The following SET variants were observed in gnomAD, a reference collection of about 807,000 sequenced individuals.
The protein encoded by SET is SET nuclear proto-oncogene, also known as protein SET.
A neutral mutation model predicts 39.0 loss-of-function variants in SET; 4 were observed. That is an observed-to-expected ratio of 0.10 (90% CI 0.05 to 0.23). The LOEUF (loss-of-function observed/expected upper bound fraction) is 0.23. Ranked by LOEUF, SET falls within the 10% of genes least tolerant of loss-of-function variation. The pLI is 1.00. For synonymous variants in SET, 114 were observed against 115.9 expected (o/e 0.98, Z 0.11); for missense variants, 137 against 329.7 (o/e 0.42, Z 4.53).
At chr9:128,691,359 T>G (rs573824573) in intron 2 of SET, 132 bp downstream of exon 2, 5 of 652,924 alleles carry the variant, frequency 7.7e-6, no homozygotes, top group South Asian at 5.9e-5. Flanking sequence ...GAAATACTTA[T>G]GTAGATTCAG....
At chr9:128,693,005 C>G in intron 5 of SET, 24 bp downstream of exon 5, 1 of 1,453,562 alleles carries the variant, frequency 6.9e-7, no homozygotes, top group Non-Finnish European at 9.6e-7. Flanking sequence ...AATTATTTGA[C>G]AAAAATAGCA....
At chr9:128,690,798 C>T (rs1413379993) in intron 1 of SET, 2 of 218,560 alleles carry the variant, frequency 9.2e-6, no homozygotes, top group Non-Finnish European at 1.9e-5. Flanking sequence ...TTTCCATATT[C>T]TAGTTAGCAG....
At position 128,694,665 on chromosome 9, in the gene SET, A is replaced by AT; in HGVS notation, c.*2dup. On this transcript the variant is annotated 3_prime_UTR_variant, in exon 8 of 8. Coordinates refer to ENST00000322030, the MANE Select transcript of SET (RefSeq NM_003011.4). Reference sequence around the variant, plus strand: ...GGAGGATGAAGGAGAAGATGACTAAATAGAACACTGATGGATTCCAACCTT... The same window carrying AT: ...GGAGGATGAAGGAGAAGATGACTAAATTAGAACACTGATGGATTCCAACCTT... 1 of 1,568,232 alleles carries AT rather than the reference A, an allele frequency of 6.4e-7. No homozygotes were observed. Among genetic ancestry groups the AT allele is most frequent in the Non-Finnish European group, 8.7e-7 (1 of 1,150,810 alleles).
At chr9:128,689,202 C>CGCCTGCG (rs1441602934), upstream of SET, 21 of 964,624 alleles carry the variant, frequency 2.2e-5, no homozygotes, top group Non-Finnish European at 2.5e-5. Flanking sequence ...GGGCCTGGCG[C>CGCCTGCG]GCCTGCGCCC....
upstream of SET, among the ~76,000 whole-genome samples, chr9:128,686,263 A>G (rs113253072): frequency 7.7e-3 from 1,170 of 152,112 alleles, 16 homozygotes; most frequent in African/African-American, 0.027. Flanking sequence ...TAGTGTGCTC[A>G]TATTTATCTT....
Position 128,689,325 on chromosome 9 carries a change from GCCGCCT to G in SET, c.-249_-244del, listed in dbSNP as rs905441165. On this transcript the variant is annotated 5_prime_UTR_variant, in exon 1 of 8. Coordinates refer to ENST00000322030, the MANE Select transcript of SET (RefSeq NM_003011.4). Reference sequence around the variant, plus strand: ...TGAGGGAGCCGAGCCGCCCGCCGCCGCCGCCTCCGCCTCCCCTCCGCGAACAGGAGC... The same window carrying G: ...TGAGGGAGCCGAGCCGCCCGCCGCCGCCGCCTCCCCTCCGCGAACAGGAGC... 6 of 1,035,408 alleles carry G rather than the reference GCCGCCT, an allele frequency of 5.8e-6. No individual in the cohort carries two copies. The highest frequency in any genetic ancestry group is 6.9e-5 in the East Asian group (1 of 14,598). The allele number at this position is 1,035,408 out of a possible 1,614,324, so 64.1% of individuals were successfully genotyped here.
upstream of SET, among the ~76,000 whole-genome samples, chr9:128,688,942 G>T (rs1006988769): frequency 1.3e-4 from 20 of 151,898 alleles, no homozygotes; most frequent in African/African-American, 3.1e-4. Flanking sequence ...CGCCGGCCGG[G>T]GGCACCCGCG....
chr9:128,693,546 T>C (rs1861620486), intron 5 of SET, 92 bp from the exon 6 acceptor site: 10 of 1,358,004 alleles, frequency 7.4e-6, no homozygotes, highest in Non-Finnish European at 9.9e-6. Context: ...TTTGTTTTGC[T>C]TAGCTTTTGG....
chr9:128,691,119 A>C (rs751729799), intron 1 of SET, 51 bp from the exon 2 acceptor site: 1 of 1,415,518 alleles, frequency 7.1e-7, no homozygotes. Context: ...TAACATCTGG[A>C]AAACTAGGTA....
At chr9:128,690,001 C>CCAT in intron 1 of SET, 1 of 1,048,342 alleles carries the variant, frequency 9.5e-7, no homozygotes, top group Non-Finnish European at 1.2e-6. Context: ...TGCCTCGCTC[C>CCAT]CATCAGCCGC....
chr9:128,696,302 T>C lies in SET; in HGVS notation c.*1638T>C, dbSNP rs1861738120. The C allele has an allele frequency of 5.2e-6, 1 of 192,748 alleles. No individual in the cohort carries two copies. Among genetic ancestry groups the C allele is most frequent in the Admixed American group, 6.0e-5 (1 of 16,562 alleles). 11.9% of individuals were successfully genotyped at this position (192,748 alleles called of 1,614,324 possible). ...TAACAACCTATCTAGATGGATAGTATGTAATTTCTGCACAGGTCTCTGTTT... is the reference window on the plus strand; with the variant it reads ...TAACAACCTATCTAGATGGATAGTACGTAATTTCTGCACAGGTCTCTGTTT... On this transcript the variant is annotated 3_prime_UTR_variant, in exon 8 of 8. Transcript: ENST00000322030.
upstream of SET, chr9:128,689,131 C>A: frequency 2.9e-6 from 1 of 340,736 alleles, no homozygotes; most frequent in Non-Finnish European, 4.2e-6. Context: ...CCTCATCCCG[C>A]CGCCCAGGCC....
At chr9:128,683,633 GCC>G (rs1861189382), upstream of SET, 1 of 399,074 alleles carries the variant, frequency 2.5e-6, no homozygotes, top group Non-Finnish European at 4.6e-6. Context: ...GGAAGAACTT[GCC>G]CCCTCCCCCA....
At chr9:128,683,824 A>G in exon 1 of SET, 5 of 1,298,252 alleles carry the variant, frequency 3.9e-6, no homozygotes, top group Non-Finnish European at 5.3e-6. Flanking sequence ...CACCTGGGGC[A>G]GTCTCAGTGT....
chr9:128,694,764 T>G lies in SET; in HGVS notation c.*100T>G. The G allele has an allele frequency of 1.6e-6, 1 of 643,184 alleles. No homozygotes were observed. The highest frequency in any genetic ancestry group is 2.9e-5 in the East Asian group (1 of 34,012). 39.8% of individuals were successfully genotyped at this position (643,184 alleles called of 1,614,324 possible). ...TTTTTTTTTTTTTTTTTTTTCCCTC[T>G]TGTGCTCAGTCGCCCTGTTCTTGAG... On this transcript the variant is annotated 3_prime_UTR_variant, in exon 8 of 8. Coordinates refer to ENST00000322030, the MANE Select transcript of SET (RefSeq NM_003011.4).
upstream of SET, among the ~76,000 whole-genome samples, chr9:128,684,662 C>T (rs561982910): frequency 4.6e-5 from 7 of 151,912 alleles, no homozygotes; most frequent in Non-Finnish European, 8.8e-5. Flanking sequence ...AAGGTGGTAC[C>T]CTTCACCTTG....
At chr9:128,689,992 G>T (rs1476627526) in intron 1 of SET, 3 of 1,011,504 alleles carry the variant, frequency 3.0e-6, no homozygotes, top group South Asian at 3.0e-5. Context: ...CCGCCATGAT[G>T]CCTCGCTCCC....
chr9:128,692,420 A>AAAC lies in SET; in HGVS notation c.275-241_275-239dup, dbSNP rs1554776650. ...TTCAAAAAAAAAAAAAAAAAAAAAA[A>AAAC]AACCTCAAAGACGGGAAAAGATATA... On this transcript the variant is annotated intron_variant, in intron 3 of 7. Coordinates refer to ENST00000322030, the MANE Select transcript of SET (RefSeq NM_003011.4). The AAAC allele has an allele frequency of 4.0e-3, 1,020 of 254,964 alleles. 67 individuals carry two copies. Among genetic ancestry groups the AAAC allele is most frequent in the African/African-American group, 0.029 (983 of 34,468 alleles). The allele number at this position is 254,964 out of a possible 1,614,324, so 15.8% of individuals were successfully genotyped here. A position where few individuals can be genotyped will look rare whatever the true frequency, so the allele number is the denominator to read the frequency against.
chr9:128,693,474 C>T (rs999924852), intron 5 of SET, among the ~76,000 whole-genome samples, 164 bp from the exon 6 acceptor site: 4 of 152,168 alleles, frequency 2.6e-5, no homozygotes, highest in African/African-American at 9.7e-5. Context: ...ACTACCTCTA[C>T]CTGCTGCACA....
Sources: allele counts gnomAD v4.1 joint callset (sites outside exome capture counted in the v4.1 genomes callset), GRCh38; gene constraint gnomAD v4.1.1; transcripts MANE v1.5; gene names NCBI Gene and HGNC (gene_info 2026-07-23, HGNC 2026-07-21).